HDX: variants seen among roughly 807,000 people sequenced by gnomAD.
HDX encodes the protein highly divergent homeobox, also known as chromosome X open reading frame 43.
Under a neutral mutation model 45.2 loss-of-function variants are expected in HDX, and 19 were observed. That is an observed-to-expected ratio of 0.42 (90% CI 0.29 to 0.62). HDX has a LOEUF of 0.62. HDX is among the 20% of genes least tolerant of loss of function. The pLI, the probability that HDX is intolerant of heterozygous loss-of-function variation, is 0.20. For missense variants in HDX, 532 were observed against 493.9 expected, an observed-to-expected ratio of 1.08 and a Z score of -0.73; for synonymous variants, 188 against 172.8, an observed-to-expected ratio of 1.09 and a Z score of -0.69.
At chrX:84,427,354 A>G (rs950249611) in intron 5 of HDX, among the ~76,000 whole-genome samples, 1 of 111,155 alleles carries the variant, frequency 9.0e-6, no homozygotes, top group Admixed American at 9.6e-5. Context: ...AATCTGTACA[A>G]TTAGATGTTT....
intron 2 of HDX, among the ~76,000 whole-genome samples, chrX:84,477,634 A>AATT (rs1171314376): frequency 2.7e-5 from 3 of 111,931 alleles, no homozygotes; most frequent in African/African-American, 9.7e-5. Flanking sequence ...TGAGCAAGAT[A>AATT]ATTTATCATT....
chrX:84,444,671 A>T (rs1337844447), intron 4 of HDX, among the ~76,000 whole-genome samples: 1 of 111,472 alleles, frequency 9.0e-6, no homozygotes, highest in African/African-American at 3.2e-5. Context: ...TCTGCATCTC[A>T]TGGCTAAGAG....
intron 4 of HDX, among the ~76,000 whole-genome samples, chrX:84,445,172 G>A (rs145533535): frequency 0.037 from 4,112 of 111,647 alleles, 195 homozygotes; most frequent in African/African-American, 0.13. Flanking sequence ...CAACTTATGA[G>A]GCTAGAAAAG....
chrX:84,376,185 T>C (rs2038051991), intron 5 of HDX, among the ~76,000 whole-genome samples: 1 of 111,914 alleles, frequency 8.9e-6, no homozygotes. Context: ...GAAGCATCCA[T>C]GACCTACTAA....
chrX:84,500,472 A>ACACACACACACAC (rs1390409161), intron 1 of HDX, among the ~76,000 whole-genome samples: 9 of 61,901 alleles, frequency 1.5e-4, no homozygotes, highest in Non-Finnish European at 3.2e-4. Flanking sequence ...ACACACACAC[A>ACACACACACACAC]ACAACAACAA....
Position 84,475,288 on chromosome X carries a change from C to A in HDX, c.110G>T (p.Cys37Phe). Residue 37 changes from cysteine to phenylalanine, a missense_variant, in exon 3 of 11, where the codon TGT becomes TTT. This residue lies in a region of HDX where 376 missense variants were observed against 343.7 expected (regional missense o/e 1.09). Transcript: ENST00000373177. ...GAAGTCCAGCTTAGTCTCCTGTGCA[C>A]ACTGTAATATGAGCTGAAAGCAATT... ...SKNCFQLILQ[C>F]AQETKLDFSV... 1 of 1,200,482 alleles carries A rather than the reference C, an allele frequency of 8.3e-7. No individual in the cohort carries two copies. Among genetic ancestry groups the A allele is most frequent in the Non-Finnish European group, 1.1e-6 (1 of 888,275 alleles).
chrX:84,472,151 A>G (rs1180748339), intron 3 of HDX, among the ~76,000 whole-genome samples: 1 of 110,198 alleles, frequency 9.1e-6, no homozygotes, highest in Non-Finnish European at 1.9e-5. Context: ...TCTTCATACA[A>G]TGTCTACCTT....
chrX:84,459,832 A>C lies in HDX; in HGVS notation c.1251+8640T>G, dbSNP rs143284714. 6.0e-3 allele frequency among the ~76,000 whole-genome samples: 673 copies of C among 111,718 alleles called. 3 individuals are homozygous for C. Among genetic ancestry groups the C allele is most frequent in the Admixed American group, 9.1e-3 (96 of 10,538 alleles). The stretch of plus-strand genomic sequence containing the variant: ...GAAAAGAGAGAAGACTCAAATAAAC[A>C]AAATCAGAGGTATAAAAGGAGACAT... On this transcript the variant is annotated intron_variant, in intron 4 of 10. Transcript: ENST00000373177.
intron 7 of HDX, among the ~76,000 whole-genome samples, chrX:84,342,764 A>G (rs777683569): frequency 2.0e-4 from 22 of 111,394 alleles, no homozygotes; most frequent in Admixed American, 1.9e-3. Context: ...GTGGGGGTAT[A>G]TTTACATAAT....
At chrX:84,460,127 G>C (rs1180685081) in intron 4 of HDX, among the ~76,000 whole-genome samples, 1 of 111,522 alleles carries the variant, frequency 9.0e-6, no homozygotes, top group Non-Finnish European at 1.9e-5. Flanking sequence ...TAATACCATT[G>C]CTACTCAAAC....
chrX:84,359,974 C>T (rs906117389), intron 6 of HDX, among the ~76,000 whole-genome samples: 1 of 111,893 alleles, frequency 8.9e-6, no homozygotes, highest in Non-Finnish European at 1.9e-5. Context: ...GCAAAAGAAA[C>T]TATAATCAGA....
At chrX:84,410,953 T>G (rs1325731196) in intron 5 of HDX, among the ~76,000 whole-genome samples, 2 of 106,525 alleles carry the variant, frequency 1.9e-5, no homozygotes, top group Non-Finnish European at 4.0e-5. Context: ...TTTGTATGCA[T>G]AGAGGTGTTC....
chrX:84,483,259 C>T (rs1237664707), intron 2 of HDX, among the ~76,000 whole-genome samples: 1 of 112,190 alleles, frequency 8.9e-6, no homozygotes, highest in Non-Finnish European at 1.9e-5. Flanking sequence ...GCTCCAACCC[C>T]ACATGTCTCT....
At chrX:84,398,795 A>G (rs1401422835) in intron 5 of HDX, among the ~76,000 whole-genome samples, 1 of 112,203 alleles carries the variant, frequency 8.9e-6, no homozygotes, top group Non-Finnish European at 1.9e-5. Flanking sequence ...CACTTATTCT[A>G]AAATCGATCA....
intron 9 of HDX, among the ~76,000 whole-genome samples, chrX:84,329,495 T>G (rs2036797907): frequency 8.9e-6 from 1 of 111,784 alleles, no homozygotes; most frequent in Admixed American, 9.6e-5. Context: ...TGAAAACACA[T>G]GTCATTAAAA....
At chrX:84,459,827 TAAAC>T (rs2040198311) in intron 4 of HDX, among the ~76,000 whole-genome samples, 1 of 111,008 alleles carries the variant, frequency 9.0e-6, no homozygotes. Flanking sequence ...AAGACTCAAA[TAAAC>T]AAAATCAGAG....
At chrX:84,467,821 C>A (rs2040382113) in intron 4 of HDX, among the ~76,000 whole-genome samples, 1 of 111,133 alleles carries the variant, frequency 9.0e-6, no homozygotes, top group African/African-American at 3.3e-5. Flanking sequence ...CATACCTGAA[C>A]AATTGAATAT....
chrX:84,443,018 T>G (rs763089115), intron 4 of HDX, among the ~76,000 whole-genome samples: 1 of 111,885 alleles, frequency 8.9e-6, no homozygotes, highest in African/African-American at 3.2e-5. Flanking sequence ...AAAACTCCTA[T>G]AAGCACATAG....
At chrX:84,398,832 A>G (rs11798219) in intron 5 of HDX, among the ~76,000 whole-genome samples, 27,809 of 110,813 alleles carry the variant, frequency 0.25, 2,641 homozygotes, top group Non-Finnish European at 0.3. Flanking sequence ...ACACTCCTCA[A>G]AAGATGCAAA....
Sources: gnomAD v4.1 joint callset for allele counts (sites outside exome capture counted in the v4.1 genomes callset) on GRCh38, gnomAD v4.1.1 for gene constraint, gnomAD v4.1.1 regional missense constraint, MANE v1.5 for transcripts, NCBI Gene and HGNC (gene_info 2026-07-23, HGNC 2026-07-21) for gene names.